The following UBE2G2 variants were observed in gnomAD, a reference collection of about 807,000 sequenced individuals.
UBE2G2 encodes the protein ubiquitin-conjugating enzyme E2 G2.
UBE2G2 carries 10 observed loss-of-function variants against 23.0 expected under a neutral mutation model. The ratio of observed to expected loss-of-function variants is 0.43; its 90% confidence interval spans 0.27 to 0.74. UBE2G2 has a LOEUF of 0.74. UBE2G2 is among the 30% of genes least tolerant of loss of function. The pLI is 0.19. For synonymous variants in UBE2G2, 86 were observed against 81.3 expected (o/e 1.06, Z -0.31); for missense variants, 150 against 218.3 (o/e 0.69, Z 1.97).
chr21:44,777,603 T>C (rs1201450144), intron 3 of UBE2G2, among the ~76,000 whole-genome samples, 186 bp from the exon 4 acceptor site: 3 of 150,904 alleles, frequency 2.0e-5, no homozygotes, highest in Non-Finnish European at 4.4e-5. Context: ...AGGTCAGGAG[T>C]TCAAGACCAG....
chr21:44,771,541 A>AGCTT lies in UBE2G2; in HGVS notation c.386-53_386-52insAAGC, dbSNP rs1555959954. 1 of 1,563,600 alleles carries AGCTT rather than the reference A, an allele frequency of 6.4e-7. No individual in the cohort carries two copies. Among genetic ancestry groups the AGCTT allele is most frequent in the South Asian group, 1.1e-5 (1 of 90,256 alleles). ...GTAAAAGGGAGTCTTATACGTAAGC[A>AGCTT]GCCTGGCAAGGTCTCCCATTTATTT... On this transcript the variant is annotated intron_variant, in intron 5 of 5. Coordinates refer to ENST00000345496, the MANE Select transcript of UBE2G2 (RefSeq NM_003343.6). The surrounding 1 kb of genome is among the most constrained non-coding windows in gnomAD (Gnocchi z 4.6).
At chr21:44,779,151 C>T (rs547038473) in intron 3 of UBE2G2, 164 of 377,252 alleles carry the variant, frequency 4.3e-4, no homozygotes, top group Non-Finnish European at 6.3e-4. Context: ...CACCTGGAGG[C>T]GGCACTCAGG....
intron 1 of UBE2G2, among the ~76,000 whole-genome samples, chr21:44,790,207 G>A (rs1356322188): frequency 6.6e-6 from 1 of 152,186 alleles, no homozygotes; most frequent in Non-Finnish European, 1.5e-5. Context: ...GACTTAAAGT[G>A]CTGGCAAGTT....
rs370053504 is a variant in UBE2G2 at position 44,771,288 on chromosome 21, A to G, written c.*89T>C. On this transcript the variant is annotated 3_prime_UTR_variant, in exon 6 of 6. Coordinates refer to ENST00000345496, the MANE Select transcript of UBE2G2 (RefSeq NM_003343.6). The surrounding 1 kb of genome is among the most constrained non-coding windows in gnomAD (Gnocchi z 4.6). ...TTCTTGCAAGTCTGCCTTGTTTGGTACCAGCACAGAGCATCACTGTCACTA... is the reference window on the plus strand; with the variant it reads ...TTCTTGCAAGTCTGCCTTGTTTGGTGCCAGCACAGAGCATCACTGTCACTA... The G allele has an allele frequency of 1.3e-5, 16 of 1,246,754 alleles. No individual in the cohort carries two copies. The African/African-American group carries it at 2.1e-4, about 16-fold the overall frequency. 77.2% of individuals were successfully genotyped at this position (1,246,754 alleles called of 1,614,324 possible).
intron 3 of UBE2G2, among the ~76,000 whole-genome samples, chr21:44,784,053 G>A (rs782455730): frequency 1.3e-5 from 2 of 152,126 alleles, no homozygotes; most frequent in African/African-American, 2.4e-5. Flanking sequence ...CTACTTGTGG[G>A]GCTGAGGTGG....
intron 1 of UBE2G2, among the ~76,000 whole-genome samples, chr21:44,789,022 T>C (rs78635193): frequency 0.01 from 1,550 of 152,190 alleles, 31 homozygotes; most frequent in African/African-American, 0.036. Flanking sequence ...ATGAGGCATA[T>C]ATATATCTTT....
chr21:44,801,650 C>T, intron 1 of UBE2G2, 56 bp downstream of exon 1: 1 of 1,492,734 alleles, frequency 6.7e-7, no homozygotes, highest in Non-Finnish European at 8.9e-7. Context: ...CCGGACGACG[C>T]GGGCCCGGGA....
chr21:44,782,595 GA>G (rs2060145864), intron 3 of UBE2G2, among the ~76,000 whole-genome samples: 1 of 152,222 alleles, frequency 6.6e-6, no homozygotes, highest in Non-Finnish European at 1.5e-5. Context: ...GATAGGCATA[GA>G]TCAATGGAAT....
At chr21:44,786,666 A>G (rs2082998764) in intron 3 of UBE2G2, among the ~76,000 whole-genome samples, 1 of 152,216 alleles carries the variant, frequency 6.6e-6, no homozygotes, top group Non-Finnish European at 1.5e-5. Flanking sequence ...GAAGCTTAAG[A>G]TCACTTCAAG....
intron 3 of UBE2G2, among the ~76,000 whole-genome samples, chr21:44,786,697 A>C (rs782394406): frequency 2.0e-5 from 3 of 152,192 alleles, no homozygotes; most frequent in Non-Finnish European, 4.4e-5. Flanking sequence ...CACTTGTTTC[A>C]CAGCCCTCAC....
At chr21:44,793,919 T>C (rs933236746) in intron 1 of UBE2G2, among the ~76,000 whole-genome samples, 1 of 152,224 alleles carries the variant, frequency 6.6e-6, no homozygotes, top group African/African-American at 2.4e-5. Context: ...CCAGTCAAAT[T>C]ATGATACATA....
chr21:44,780,570 T>C (rs1040292094), intron 3 of UBE2G2, among the ~76,000 whole-genome samples: 2 of 152,218 alleles, frequency 1.3e-5, no homozygotes, highest in Admixed American at 1.3e-4. Context: ...GGACAAGCAT[T>C]AGATTAAGCA....
Position 44,770,054 on chromosome 21 carries a change from C to G in UBE2G2, c.*1323G>C, listed in dbSNP as rs1268926152. 1 of 152,274 alleles carries G rather than the reference C, an allele frequency of 6.6e-6. No homozygotes were observed. Among genetic ancestry groups the G allele is most frequent in the African/African-American group, 2.4e-5 (1 of 41,454 alleles). 9.4% of individuals were successfully genotyped at this position (152,274 alleles called of 1,614,324 possible). The stretch of plus-strand genomic sequence containing the variant: ...AATCCTAAGTCACAAAACAAGGGCT[C>G]TGTCCCCAGCCTGGGCCCAGGGGCC... On this transcript the variant is annotated 3_prime_UTR_variant, in exon 6 of 6. Coordinates refer to ENST00000345496, the MANE Select transcript of UBE2G2 (RefSeq NM_003343.6).
At chr21:44,777,028 T>C (rs1479332436) in intron 4 of UBE2G2, 2 of 376,100 alleles carry the variant, frequency 5.3e-6, no homozygotes, top group Non-Finnish European at 9.6e-6. Context: ...CACCCATGTG[T>C]AAAACTTCCT....
chr21:44,777,522 G>A (rs1194224635), intron 3 of UBE2G2, 105 bp from the exon 4 acceptor site: 12 of 1,143,366 alleles, frequency 1.0e-5, no homozygotes, highest in African/African-American at 4.6e-5. Context: ...AAAAATGCAC[G>A]TGAGGCCGGG....
In UBE2G2 at chr21:44,773,515, C is replaced by T. The variant is rs148870353; in HGVS notation, c.385+32G>A. On this transcript the variant is annotated intron_variant, in intron 5 of 5. Coordinates refer to ENST00000345496, the MANE Select transcript of UBE2G2 (RefSeq NM_003343.6). ...AGAACACCTGCAGCCTGGGTGTCCACGGCAGCTCCTGCCAGGAGGCTCGGG... is the reference window on the plus strand; with the variant it reads ...AGAACACCTGCAGCCTGGGTGTCCATGGCAGCTCCTGCCAGGAGGCTCGGG... 1.7e-4 allele frequency: 275 copies of T among 1,598,068 alleles called. No homozygotes were observed. The African/African-American group carries it at 3.0e-3, about 17-fold the overall frequency.
intron 1 of UBE2G2, among the ~76,000 whole-genome samples, chr21:44,795,534 A>G (rs1555963583): frequency 6.6e-6 from 1 of 151,844 alleles, no homozygotes; most frequent in Non-Finnish European, 1.5e-5. Context: ...TGGGAGGCTG[A>G]GGTGGCAGGA....
At chr21:44,795,664 A>G (rs2083082636) in intron 1 of UBE2G2, among the ~76,000 whole-genome samples, 1 of 152,102 alleles carries the variant, frequency 6.6e-6, no homozygotes, top group Admixed American at 6.6e-5. Context: ...AGAAAAAAGA[A>G]AACAAAAAAC....
intron 3 of UBE2G2, among the ~76,000 whole-genome samples, chr21:44,778,688 G>C (rs1176919466): frequency 6.6e-6 from 1 of 152,230 alleles, no homozygotes; most frequent in African/African-American, 2.4e-5. Flanking sequence ...AAGCAGGACT[G>C]CTGAATGACA....
Sources: allele counts gnomAD v4.1 joint callset (sites outside exome capture counted in the v4.1 genomes callset), GRCh38; gene constraint gnomAD v4.1.1; non-coding constraint Gnocchi (gnomAD v3.1); transcripts MANE v1.5; gene names NCBI Gene and HGNC (gene_info 2026-07-23, HGNC 2026-07-21).